The following EIF2AK1 variants were observed in gnomAD, a reference collection of about 807,000 sequenced individuals.
The protein encoded by EIF2AK1 is eukaryotic translation initiation factor 2-alpha kinase 1.
A neutral mutation model predicts 77.9 loss-of-function variants in EIF2AK1; 54 were observed. That is an observed-to-expected ratio of 0.69 (90% CI 0.56 to 0.87). The LOEUF (loss-of-function observed/expected upper bound fraction) is 0.87. Ranked by LOEUF, EIF2AK1 falls within the 40% of genes least tolerant of loss-of-function variation. The probability of loss-of-function intolerance (pLI) is 0.00; values close to 1 mark genes in which losing one functional copy is unlikely to be tolerated. For synonymous variants in EIF2AK1, 314 were observed against 290.5 expected (o/e 1.08, Z -0.82); for missense variants, 810 against 768.6 (o/e 1.05, Z -0.64).
chr7:6,034,425 C>T (rs190656550), intron 11 of EIF2AK1, among the ~76,000 whole-genome samples: 166 of 152,262 alleles, frequency 1.1e-3, no homozygotes, highest in African/African-American at 3.6e-3. Context: ...TCTGCAAGTC[C>T]TCTGGAAGTC....
chr7:6,029,614 T>G (rs932395599), intron 11 of EIF2AK1, among the ~76,000 whole-genome samples: 3 of 152,168 alleles, frequency 2.0e-5, no homozygotes, highest in African/African-American at 7.2e-5. Context: ...TTGGAGAATA[T>G]TAATGTAGAG....
Position 6,057,942 on chromosome 7 carries a change from T to C in EIF2AK1, c.118+1024A>G, listed in dbSNP as rs371375147. Reference sequence around the variant, plus strand: ...ACTGGGCCAATGTATTCATTCTTAATAGCACAATTTAATTTTTAATATTGC... The same window carrying C: ...ACTGGGCCAATGTATTCATTCTTAACAGCACAATTTAATTTTTAATATTGC... On this transcript the variant is annotated intron_variant, in intron 1 of 14. Transcript: ENST00000199389. Among the ~76,000 whole-genome samples, 19 of 152,256 alleles carry C rather than the reference T, an allele frequency of 1.2e-4. No individual in the cohort carries two copies. The East Asian group carries it at 1.7e-3, about 14-fold the overall frequency.
At chr7:6,041,828 G>A (rs62456203) in intron 8 of EIF2AK1, among the ~76,000 whole-genome samples, 31,917 of 140,012 alleles carry the variant, frequency 0.23, 3,737 homozygotes, top group Middle Eastern at 0.37. Flanking sequence ...CCAACAGAGT[G>A]AGACTCCATC....
Position 6,023,355 on chromosome 7 carries a change from C to A in EIF2AK1, c.*1318G>T, listed in dbSNP as rs746283944. Reference sequence around the variant, plus strand: ...TCCAGACGATGTGCCCCATCGAAGGCGAAGGGAACATTGCACGTTTCTTGT... The same window carrying A: ...TCCAGACGATGTGCCCCATCGAAGGAGAAGGGAACATTGCACGTTTCTTGT... On this transcript the variant is annotated 3_prime_UTR_variant, in exon 15 of 15. Coordinates refer to ENST00000199389, the MANE Select transcript of EIF2AK1 (RefSeq NM_014413.4). 1 of 1,612,238 alleles carries A rather than the reference C, an allele frequency of 6.2e-7. No individual in the cohort carries two copies. Among genetic ancestry groups the A allele is most frequent in the Admixed American group, 1.7e-5 (1 of 59,474 alleles).
intron 11 of EIF2AK1, among the ~76,000 whole-genome samples, chr7:6,029,605 T>C (rs1787843705): frequency 6.6e-6 from 1 of 152,098 alleles, no homozygotes; most frequent in South Asian, 2.1e-4. Context: ...ATTCTAAATT[T>C]GGAGAATATT....
chr7:6,032,759 C>A lies in EIF2AK1; in HGVS notation c.1333-3727G>T. ...ATGAGACACTAAATAAATGTATTGC[C>A]TTTGAAACGGCAAGCTAACACAAAC... On this transcript the variant is annotated intron_variant, in intron 11 of 14. Transcript: ENST00000199389. The surrounding 1 kb of genome is among the most constrained non-coding windows in gnomAD (Gnocchi z 4.3). The A allele has an allele frequency of 8.2e-7, 1 of 1,217,592 alleles. No homozygotes were observed. The highest frequency in any genetic ancestry group is 1.2e-6 in the Non-Finnish European group (1 of 856,972). The allele number at this position is 1,217,592 out of a possible 1,614,324, so 75.4% of individuals were successfully genotyped here.
chr7:6,053,750 C>G (rs1237674031), intron 2 of EIF2AK1, among the ~76,000 whole-genome samples: 14 of 150,928 alleles, frequency 9.3e-5, no homozygotes, highest in African/African-American at 3.4e-4. Flanking sequence ...TCACTGCAAC[C>G]TCCGCCACCC....
intron 2 of EIF2AK1, among the ~76,000 whole-genome samples, chr7:6,051,267 TTC>T (rs1370731756): frequency 6.7e-6 from 1 of 148,848 alleles, no homozygotes; most frequent in Non-Finnish European, 1.5e-5. Context: ...ACATTTTTTT[TTC>T]TTTCTTTTTT....
At position 6,032,974 on chromosome 7, in the gene EIF2AK1, C is replaced by A; in HGVS notation, c.1333-3942G>T. 6.6e-7 allele frequency: 1 copy of A among 1,512,430 alleles called. No individual in the cohort carries two copies. Among genetic ancestry groups the A allele is most frequent in the Non-Finnish European group, 9.0e-7 (1 of 1,116,698 alleles). 93.7% of individuals were successfully genotyped at this position (1,512,430 alleles called of 1,614,324 possible). ...CACCGAAAATCATTTCTTTTTTTTT[C>A]TTTTTTGTTTTGAGGCAGGGGTCTC... On this transcript the variant is annotated intron_variant, in intron 11 of 14. Transcript: ENST00000199389. This position sits in a 1 kb window ranked among gnomAD's most constrained non-coding sequence, Gnocchi z 4.3.
In EIF2AK1 at chr7:6,054,701, G is replaced by C. The variant is rs748753246; in HGVS notation, c.122C>G (p.Ser41Cys). The stretch of plus-strand genomic sequence containing the variant: ...CACCTGGATTTCTGCTGGAACATCA[G>C]ATTCTAAAAATTAAAAAGGAAAATA... ...AEGPDPEYDE[S>C]DVPAEIQVLK... Residue 41 changes from serine (S) to cysteine (C), a missense_variant, in exon 2 of 15, where the codon TCT becomes TGT. Physicochemically the swap from Ser to Cys is moderately radical, Grantham distance 112 (BLOSUM62 -1). Coordinates refer to ENST00000199389, the MANE Select transcript of EIF2AK1 (RefSeq NM_014413.4). 2 of 1,612,510 alleles carry C rather than the reference G, an allele frequency of 1.2e-6. No homozygotes were observed. Among genetic ancestry groups the C allele is most frequent in the Non-Finnish European group, 1.7e-6 (2 of 1,179,320 alleles).
chr7:6,044,697 GA>G, intron 6 of EIF2AK1, 36 bp from the exon 7 acceptor site: 2 of 1,573,220 alleles, frequency 1.3e-6, no homozygotes, highest in Non-Finnish European at 1.7e-6. Flanking sequence ...GCCTTTTGCT[GA>G]TAACTTGTTA....
intron 4 of EIF2AK1, among the ~76,000 whole-genome samples, chr7:6,048,251 T>G (rs1184514661): frequency 1.3e-5 from 2 of 152,158 alleles, no homozygotes; most frequent in Non-Finnish European, 1.5e-5. Context: ...ATCCTTCCCT[T>G]ACCCCACTCC....
chr7:6,038,324 A>G (rs901574714), intron 10 of EIF2AK1, among the ~76,000 whole-genome samples: 4 of 152,118 alleles, frequency 2.6e-5, no homozygotes, highest in Non-Finnish European at 4.4e-5. Flanking sequence ...AGTCCCAGCT[A>G]CTCAGGAGGC....
intron 7 of EIF2AK1, among the ~76,000 whole-genome samples, chr7:6,044,283 T>C (rs1583491146): frequency 6.6e-6 from 1 of 150,884 alleles, no homozygotes; most frequent in Middle Eastern, 3.5e-3. Flanking sequence ...GCTAACACGG[T>C]GAAACCCTGT....
chr7:6,039,593 C>T (rs1297744659), intron 9 of EIF2AK1, among the ~76,000 whole-genome samples: 4 of 140,652 alleles, frequency 2.8e-5, no homozygotes, highest in African/African-American at 1.1e-4. Context: ...TGCACTCCAG[C>T]CTGGGTGACA....
rs922600565 is a variant in EIF2AK1 at position 6,033,856 on chromosome 7, G to A, written c.1332+3568C>T. ...AGTGCTGGGATTACAGGCGTGAGCC[G>A]CCGTGCCTGGCCGACAATGGATTTT... On this transcript the variant is annotated intron_variant, in intron 11 of 14. Transcript: ENST00000199389. The surrounding 1 kb of genome is among the most constrained non-coding windows in gnomAD (Gnocchi z 4.4). Among the ~76,000 whole-genome samples the A allele has an allele frequency of 5.3e-5, 8 of 151,776 alleles. No individual in the cohort carries two copies. The highest frequency in any genetic ancestry group is 2.1e-4 in the South Asian group (1 of 4,808).
At chr7:6,058,378 C>A (rs952515785) in intron 1 of EIF2AK1, 1 of 300,720 alleles carries the variant, frequency 3.3e-6, no homozygotes, top group Non-Finnish European at 6.6e-6. Flanking sequence ...GATTGTGCCA[C>A]TGCACTCCAG....
rs1166424670 is a variant in EIF2AK1, at chr7:6,033,082, C to G, written c.1333-4050G>C. The G allele has an allele frequency of 1.7e-6, 1 of 600,290 alleles. No individual in the cohort carries two copies. The highest frequency in any genetic ancestry group is 3.2e-5 in the East Asian group (1 of 31,040). 37.2% of individuals were successfully genotyped at this position (600,290 alleles called of 1,614,324 possible). The stretch of plus-strand genomic sequence containing the variant: ...TTCCTGGGTTCAAGAGCTTCTCCCA[C>G]CTCAGCCTCCCGAGTAGCTGGGATT... On this transcript the variant is annotated intron_variant, in intron 11 of 14. Coordinates refer to ENST00000199389, the MANE Select transcript of EIF2AK1 (RefSeq NM_014413.4). This position sits in a 1 kb window ranked among gnomAD's most constrained non-coding sequence, Gnocchi z 4.4.
chr7:6,044,795 T>C, intron 6 of EIF2AK1, 134 bp from the exon 7 acceptor site: 2 of 709,228 alleles, frequency 2.8e-6, no homozygotes, highest in Non-Finnish European at 2.4e-6. Context: ...ATTTTTGACA[T>C]ACTTTGAATT....
Sources: gnomAD v4.1 joint callset for allele counts (sites outside exome capture counted in the v4.1 genomes callset) on GRCh38, gnomAD v4.1.1 for gene constraint, Gnocchi (gnomAD v3.1) non-coding constraint, MANE v1.5 for transcripts, NCBI Gene and HGNC (gene_info 2026-07-23, HGNC 2026-07-21) for gene names.